The following TRPV5 variants were observed in gnomAD, a reference collection of about 807,000 sequenced individuals.
TRPV5 encodes calcium transport protein 2.
TRPV5 carries 66 observed loss-of-function variants against 74.1 expected under a neutral mutation model. That is an observed-to-expected ratio of 0.89 (90% confidence interval 0.73 to 1.09). TRPV5 has a LOEUF of 1.09. Among genes scored for constraint, TRPV5 ranks in the 50% least tolerant of loss-of-function variants. TRPV5 has a pLI of 0.00. For missense variants in TRPV5, 936 were observed against 930.4 expected (o/e 1.01, Z -0.08); for synonymous variants, 399 against 360.7 (o/e 1.11, Z -1.20).
intron 8 of TRPV5, among the ~76,000 whole-genome samples, chr7:142,922,629 A>G (rs2116592967): frequency 6.6e-6 from 1 of 152,322 alleles, no homozygotes; most frequent in Middle Eastern, 3.4e-3. Context: ...TGGGTTAAAA[A>G]TCACAGATCT....
chr7:142,929,885 GA>G (rs138863601), intron 3 of TRPV5, among the ~76,000 whole-genome samples, 172 bp downstream of exon 3: 1,894 of 152,306 alleles, frequency 0.012, 45 homozygotes, highest in African/African-American at 0.043. Context: ...GGAAGCCACA[GA>G]TTGGTAAAAG....
chr7:142,929,958 C>T (rs1796056329), intron 3 of TRPV5, 100 bp downstream of exon 3: 2 of 1,574,368 alleles, frequency 1.3e-6, no homozygotes, highest in African/African-American at 1.4e-5. Flanking sequence ...GACCCTCCAT[C>T]ACCCCACCCC....
At chr7:142,929,640 C>A in intron 3 of TRPV5, 75 bp from the exon 4 acceptor site, 1 of 1,578,028 alleles carries the variant, frequency 6.3e-7, no homozygotes, top group East Asian at 2.3e-5. Flanking sequence ...CCCCCACCAT[C>A]CCTCTCAGGA....
Position 142,909,573 on chromosome 7 carries a change from C to A in TRPV5, c.1812G>T (p.Leu604=). The A allele has an allele frequency of 6.2e-7, 1 of 1,614,056 alleles. No individual in the cohort carries two copies. The highest frequency in any genetic ancestry group is 8.5e-7 in the Non-Finnish European group (1 of 1,180,044). The stretch of plus-strand genomic sequence containing the variant: ...ACAGGCAGCGAGGCAGCTTCCGCTC[C>A]AGCATCACTGTGGTGGCCACGACCT... ...RAQVVATTVM[L]ERKLPRCLWP... is the part of the protein sequence containing the mutation. Residue 604 remains leucine, a synonymous_variant, in exon 14 of 15, where the codon CTG becomes CTT. Transcript: ENST00000265310.
At chr7:142,915,268 G>T (rs758523040) in intron 10 of TRPV5, 39 bp downstream of exon 10, 8 of 1,603,708 alleles carry the variant, frequency 5.0e-6, no homozygotes, top group Non-Finnish European at 5.1e-6. Context: ...AAAGATTCTG[G>T]TAAGGAAAGG....
intron 3 of TRPV5, 117 bp from the exon 4 acceptor site, chr7:142,929,682 C>T: frequency 1.4e-6 from 2 of 1,471,152 alleles, no homozygotes; most frequent in Non-Finnish European, 1.8e-6. Flanking sequence ...AGACTTCTGC[C>T]CTGGGCTTGG....
Position 142,908,628 on chromosome 7 carries a change from C to T in TRPV5, c.2076G>A (p.Ala692=), listed in dbSNP as rs777364369. The change falls in exon 15 of 15, where the codon GCG becomes GCA. Residue 692 remains alanine (A), a synonymous_variant. Transcript: ENST00000265310. The stretch of plus-strand genomic sequence containing the variant: ...AGCCTCGGTGACTGCTGCTCTGGGA[C>T]GCGGTCCGGGACAGGGAGGAAGTTG... ...ALPTSSLSRT[A]SQSSSHRGWE... The T allele has an allele frequency of 5.6e-6, 9 of 1,614,126 alleles. No individual in the cohort carries two copies. Among genetic ancestry groups the T allele is most frequent in the African/African-American group, 2.7e-5 (2 of 74,938 alleles).
At chr7:142,927,211 G>A (rs1796004179) in intron 7 of TRPV5, among the ~76,000 whole-genome samples, 1 of 152,136 alleles carries the variant, frequency 6.6e-6, no homozygotes, top group Non-Finnish European at 1.5e-5. Context: ...TCCAAGCCAA[G>A]TTAACTCTAC....
At chr7:142,922,407 G>A (rs1421726168) in intron 8 of TRPV5, among the ~76,000 whole-genome samples, 1 of 152,160 alleles carries the variant, frequency 6.6e-6, no homozygotes, top group Non-Finnish European at 1.5e-5. Context: ...CCAGAGTGGT[G>A]GGCCTAAGAC....
Position 142,928,649 on chromosome 7 carries a change from G to A in TRPV5, c.762+42C>T, listed in dbSNP as rs756089834. On this transcript the variant is annotated intron_variant, in intron 6 of 14. Transcript: ENST00000265310. ...CCCAGGGCCAGCAGGATAGGTTGAG[G>A]GTCATTAGAAAGACACCTCAGGGAT... 5.7e-6 allele frequency: 9 copies of A among 1,589,888 alleles called. No homozygotes were observed. The South Asian group carries it at 9.1e-5, about 16-fold the overall frequency.
chr7:142,929,011 C>T lies in TRPV5; in HGVS notation c.586+11G>A, dbSNP rs556280857. ...CAGCATCCCAGCTCCCCTCCCCATC[C>T]CAGCTCTTACCCAGGGAGTCCTGGG... On this transcript the variant is annotated intron_variant, in intron 5 of 14. Coordinates refer to ENST00000265310, the MANE Select transcript of TRPV5 (RefSeq NM_019841.7). 31 of 1,613,860 alleles carry T rather than the reference C, an allele frequency of 1.9e-5. 1 individual carries two copies. In the East Asian group the frequency reaches 5.6e-4, roughly 29 times the overall value.
rs1422707131 is a variant in TRPV5, at chr7:142,908,751, G to A, written c.1953C>T (p.Phe651=). 6.2e-7 allele frequency: 1 copy of A among 1,614,038 alleles called. No individual in the cohort carries two copies. Among genetic ancestry groups the A allele is most frequent in the South Asian group, 1.1e-5 (1 of 91,078 alleles). ...GGTCATCCTCCTTGTCTGAGTTCTT[G>A]AACACTTCCACATAGCGAAGCACTC... ...PLRVLRYVEV[F]KNSDKEDDQE... The change falls in exon 15 of 15, where the codon TTC becomes TTT. Residue 651 remains phenylalanine, a synonymous_variant. Coordinates refer to ENST00000265310, the MANE Select transcript of TRPV5 (RefSeq NM_019841.7).
At chr7:142,916,617 T>C (rs1403853077) in intron 8 of TRPV5, among the ~76,000 whole-genome samples, 1 of 151,960 alleles carries the variant, frequency 6.6e-6, no homozygotes, top group East Asian at 1.9e-4. Context: ...AAGAAAGGAG[T>C]TGAGAGTCCC....
At position 142,925,528 on chromosome 7, in the gene TRPV5, C is replaced by A. The variant is rs1218119751; in HGVS notation, c.1122+1G>T. 6.2e-7 allele frequency: 1 copy of A among 1,614,152 alleles called. No individual in the cohort carries two copies. Among genetic ancestry groups the A allele is most frequent in the South Asian group, 1.1e-5 (1 of 91,084 alleles). Reference sequence around the variant, plus strand: ...TCTCATCCCCTTCTGAGGAGAATCACCTGTAGTAGTTTTTGCTGGAGGATG... The same window carrying A: ...TCTCATCCCCTTCTGAGGAGAATCAACTGTAGTAGTTTTTGCTGGAGGATG... On this transcript the variant is annotated splice_donor_variant, in intron 8 of 14. Coordinates refer to ENST00000265310, the MANE Select transcript of TRPV5 (RefSeq NM_019841.7). LOFTEE classifies it high-confidence loss of function.
At chr7:142,922,904 G>T (rs757526125) in intron 8 of TRPV5, among the ~76,000 whole-genome samples, 2 of 152,184 alleles carry the variant, frequency 1.3e-5, no homozygotes, top group African/African-American at 2.4e-5. Context: ...GAGTCATTAA[G>T]ATAGCCCCCA....
chr7:142,924,335 TACATATATATATATATAG>T (rs1406248657), intron 8 of TRPV5, among the ~76,000 whole-genome samples: 4 of 5,384 alleles, frequency 7.4e-4, no homozygotes, highest in Non-Finnish European at 1.2e-3. Flanking sequence ...TGTATATATA[TACATATATATATATATAG>T]ACATATACAT....
rs759037197 is a variant in TRPV5 at position 142,909,550 on chromosome 7, A to G, written c.1835T>C (p.Leu612Pro). The G allele has an allele frequency of 6.2e-7, 1 of 1,614,110 alleles. No individual in the cohort carries two copies. The highest frequency in any genetic ancestry group is 8.5e-7 in the Non-Finnish European group (1 of 1,180,034). ...CCCACAGATCCCGGAGCGAGGCCACAGGCAGCGAGGCAGCTTCCGCTCCAG... is the reference window on the plus strand; with the variant it reads ...CCCACAGATCCCGGAGCGAGGCCACGGGCAGCGAGGCAGCTTCCGCTCCAG... ...VMLERKLPRC[L>P]WPRSGICGCE... The change falls in exon 14 of 15, where the codon CTG becomes CCG. Residue 612 changes from leucine to proline, a missense_variant. Leu to Pro is a moderately conservative substitution (Grantham distance 98). Coordinates refer to ENST00000265310, the MANE Select transcript of TRPV5 (RefSeq NM_019841.7).
intron 8 of TRPV5, chr7:142,925,131 C>T: frequency 2.6e-6 from 1 of 387,124 alleles, no homozygotes; most frequent in Non-Finnish European, 4.7e-6. Flanking sequence ...GCAGGGCTGT[C>T]TGTGTTGCCC....
At position 142,908,815 on chromosome 7, in the gene TRPV5, A is replaced by C; in HGVS notation, c.1896-7T>G. On this transcript the variant is annotated splice_region_variant and splice_polypyrimidine_tract_variant and intron_variant, in intron 14 of 14. Transcript: ENST00000265310. Reference sequence around the variant, plus strand: ...ATCATTGTGGTTCTCAACCCTGATAAGGGGAAAGGGGAAAGGACTCAATCC... The same window carrying C: ...ATCATTGTGGTTCTCAACCCTGATACGGGGAAAGGGGAAAGGACTCAATCC... The C allele has an allele frequency of 6.2e-7, 1 of 1,603,406 alleles. No individual in the cohort carries two copies. Among genetic ancestry groups the C allele is most frequent in the Non-Finnish European group, 8.5e-7 (1 of 1,174,426 alleles).
Sources: allele counts gnomAD v4.1 joint callset (sites outside exome capture counted in the v4.1 genomes callset), GRCh38; gene constraint gnomAD v4.1.1; transcripts MANE v1.5; gene names NCBI Gene and HGNC (gene_info 2026-07-23, HGNC 2026-07-21).